The following HTR7 variants were observed in gnomAD, a reference collection of about 807,000 sequenced individuals.
HTR7 encodes 5-HT-7.
Under a neutral mutation model 34.0 loss-of-function variants are expected in HTR7, and 16 were observed. The ratio of observed to expected loss-of-function variants is 0.47; its 90% CI spans 0.32 to 0.71. HTR7 has a LOEUF of 0.71. Ranked by LOEUF, HTR7 falls within the 30% of genes least tolerant of loss-of-function variation. The pLI is 0.04. For missense variants in HTR7, 504 were observed against 625.5 expected, an observed-to-expected ratio of 0.81 and a Z score of 2.07; for synonymous variants, 265 against 260.2, an observed-to-expected ratio of 1.02 and a Z score of -0.18.
chr10:90,812,289 G>T (rs11186316), intron 1 of HTR7, among the ~76,000 whole-genome samples: 4 of 150,268 alleles, frequency 2.7e-5, no homozygotes, highest in African/African-American at 9.8e-5. Flanking sequence ...ACCATTCTCA[G>T]CTACTCATAC....
chr10:90,852,690 C>CTT (rs1247879182), intron 1 of HTR7, among the ~76,000 whole-genome samples: 4 of 152,104 alleles, frequency 2.6e-5, no homozygotes, highest in Non-Finnish European at 1.5e-5. Context: ...CACTGATAGG[C>CTT]TAAAAACTAC....
intron 1 of HTR7, among the ~76,000 whole-genome samples, chr10:90,786,912 G>GA (rs1048795157): frequency 7.2e-5 from 11 of 152,136 alleles, no homozygotes; most frequent in African/African-American, 2.2e-4. Flanking sequence ...CAATACGTGG[G>GA]AAAAAATCAT....
At chr10:90,808,345 T>A (rs1845736480) in intron 1 of HTR7, among the ~76,000 whole-genome samples, 1 of 151,850 alleles carries the variant, frequency 6.6e-6, no homozygotes, top group Non-Finnish European at 1.5e-5. Context: ...CAACCCCTTC[T>A]CTCCATGTCT....
intron 1 of HTR7, among the ~76,000 whole-genome samples, chr10:90,840,414 G>A (rs1275669461): frequency 6.6e-6 from 1 of 152,130 alleles, no homozygotes; most frequent in South Asian, 2.1e-4. Flanking sequence ...AAAGCCAAGT[G>A]ATCAGATAGG....
chr10:90,799,530 G>T (rs977135281), intron 1 of HTR7, among the ~76,000 whole-genome samples: 6 of 152,202 alleles, frequency 3.9e-5, no homozygotes, highest in African/African-American at 1.4e-4. Flanking sequence ...TTCTAGGCTG[G>T]TTTCTTCTTT....
At chr10:90,757,648 A>C (rs1459242531) in intron 1 of HTR7, among the ~76,000 whole-genome samples, 2 of 152,248 alleles carry the variant, frequency 1.3e-5, no homozygotes, top group Non-Finnish European at 1.5e-5. Context: ...ATAAGGCAGA[A>C]TATCGATGAA....
intron 1 of HTR7, among the ~76,000 whole-genome samples, chr10:90,798,668 C>T (rs879908388): frequency 6.6e-6 from 1 of 152,168 alleles, no homozygotes; most frequent in Non-Finnish European, 1.5e-5. Context: ...GAGCTGTGAT[C>T]ATACATGCAC....
In HTR7 at chr10:90,755,284, T is replaced by C. The variant is rs975255084; in HGVS notation, c.540-5690A>G. ...TCCCAGTCCTGTGCTAAATGAGATA[T>C]GTGTGGTCTTTATATTTTAATCAAG... On this transcript the variant is annotated intron_variant, in intron 1 of 3. Coordinates refer to ENST00000336152, the MANE Select transcript of HTR7 (RefSeq NM_019859.4). Among the ~76,000 whole-genome samples, 29 of 152,358 alleles carry C rather than the reference T, an allele frequency of 1.9e-4. 1 individual carries two copies. The East Asian group carries it at 5.2e-3, about 27-fold the overall frequency.
chr10:90,815,992 A>T (rs1845893512), intron 1 of HTR7, among the ~76,000 whole-genome samples: 1 of 152,204 alleles, frequency 6.6e-6, no homozygotes, highest in Non-Finnish European at 1.5e-5. Flanking sequence ...GCTAACAGGG[A>T]TAGCAGTGCC....
Position 90,807,734 on chromosome 10 carries a change from A to G in HTR7, c.539+49399T>C, listed in dbSNP as rs568674254. ...TGGTGGTCTCTTCACACGGACGCGC[A>G]TGAAATTTGGTGCCGTGACTCAGAT... On this transcript the variant is annotated intron_variant, in intron 1 of 3. Transcript: ENST00000336152. Among the ~76,000 whole-genome samples, 74 of 152,308 alleles carry G rather than the reference A, an allele frequency of 4.9e-4. 2 individuals are homozygous for G. In the South Asian group the frequency reaches 9.1e-3, roughly 19 times the overall value.
At chr10:90,742,848 A>G (rs1844574922) in intron 3 of HTR7, among the ~76,000 whole-genome samples, 2 of 152,184 alleles carry the variant, frequency 1.3e-5, no homozygotes, top group South Asian at 4.1e-4. Flanking sequence ...ATACTATTGC[A>G]CCTGCCCCAC....
chr10:90,814,543 C>A (rs988493473), intron 1 of HTR7, among the ~76,000 whole-genome samples: 4 of 151,856 alleles, frequency 2.6e-5, no homozygotes, highest in African/African-American at 4.8e-5. Context: ...AGGACTCATT[C>A]CAGGAAGGTG....
intron 1 of HTR7, among the ~76,000 whole-genome samples, chr10:90,819,521 T>A (rs1007833263): frequency 1.3e-5 from 2 of 152,176 alleles, no homozygotes; most frequent in African/African-American, 4.8e-5. Flanking sequence ...TAATTTCTCC[T>A]AAAATATCCA....
Position 90,749,115 on chromosome 10 carries a change from C to T in HTR7, c.1019G>A (p.Trp340Ter). 1 of 1,614,164 alleles carries T rather than the reference C, an allele frequency of 6.2e-7. No individual in the cohort carries two copies. The highest frequency in any genetic ancestry group is 8.5e-7 in the Non-Finnish European group (1 of 1,180,030). ...TGTCGAGAGGAGGAAAAATGGCAGC[C>T]AGCACACGGTAAAGGCCCCGACGAT... ...GIIVGAFTVC[W>*]LPFFLLSTAR... The change falls in exon 2 of 4, where the codon TGG (tryptophan) becomes TAG (stop). Residue 340 changes from tryptophan to a stop codon, truncating the protein, a stop_gained. Coordinates refer to ENST00000336152, the MANE Select transcript of HTR7 (RefSeq NM_019859.4). LOFTEE classifies it high-confidence loss of function. The surrounding 1 kb of genome is among the most constrained non-coding windows in gnomAD (Gnocchi z 4.2).
intron 1 of HTR7, among the ~76,000 whole-genome samples, chr10:90,756,125 C>T (rs1844829787): frequency 6.6e-6 from 1 of 152,122 alleles, no homozygotes; most frequent in African/African-American, 2.4e-5. Context: ...CAAAAAAGAA[C>T]ATACTATTCA....
chr10:90,783,134 C>T (rs1160368438), intron 1 of HTR7, among the ~76,000 whole-genome samples: 1 of 152,084 alleles, frequency 6.6e-6, no homozygotes, highest in Non-Finnish European at 1.5e-5. Flanking sequence ...AGTCCAGGAC[C>T]CCTTTAAATT....
At position 90,770,496 on chromosome 10, in the gene HTR7, G is replaced by C. The variant is rs376987333; in HGVS notation, c.540-20902C>G. On this transcript the variant is annotated intron_variant, in intron 1 of 3. Transcript: ENST00000336152. ...CTGACTCTGTATCCTCAGGGGCCCA[G>C]AAGGCCCACCAACCCCTTGGGTTGT... Among the ~76,000 whole-genome samples the C allele has an allele frequency of 1.0e-3, 152 of 152,286 alleles. 1 individual carries two copies. The highest frequency in any genetic ancestry group is 3.4e-3 in the African/African-American group (140 of 41,562).
At chr10:90,779,456 C>A (rs1007221680) in intron 1 of HTR7, among the ~76,000 whole-genome samples, 1 of 152,192 alleles carries the variant, frequency 6.6e-6, no homozygotes, top group Non-Finnish European at 1.5e-5. Flanking sequence ...CCTGCCTCCA[C>A]CTGCTTTTTG....
At position 90,742,197 on chromosome 10, in the gene HTR7, C is replaced by G; in HGVS notation, c.*285G>C. 3.8e-6 allele frequency: 1 copy of G among 260,788 alleles called. No homozygotes were observed. Among genetic ancestry groups the G allele is most frequent in the Non-Finnish European group, 7.3e-6 (1 of 137,182 alleles). 16.2% of individuals were successfully genotyped at this position (260,788 alleles called of 1,614,324 possible). A position where few individuals can be genotyped will look rare whatever the true frequency, so the allele number is the denominator to read the frequency against. On this transcript the variant is annotated 3_prime_UTR_variant, in exon 4 of 4. Coordinates refer to ENST00000336152, the MANE Select transcript of HTR7 (RefSeq NM_019859.4). ...CATGGATTTGGACATATGCAAAGCA[C>G]CAGAAACTGCTTCCTTTCTGGAACT... is the stretch of plus-strand genomic sequence containing the variant.
Sources: allele counts gnomAD v4.1 joint callset (sites outside exome capture counted in the v4.1 genomes callset), GRCh38; gene constraint gnomAD v4.1.1; non-coding constraint Gnocchi (gnomAD v3.1); transcripts MANE v1.5; gene names NCBI Gene and HGNC (gene_info 2026-07-23, HGNC 2026-07-21).